AKAP13: variants seen among roughly 807,000 people sequenced by gnomAD.
AKAP13 encodes A-kinase anchor protein 13.
AKAP13 carries 80 observed loss-of-function variants against 264.5 expected under a neutral mutation model. The ratio of observed to expected loss-of-function variants is 0.30; its 90% CI spans 0.25 to 0.36. The LOEUF is 0.36. Among genes scored for constraint, AKAP13 ranks in the 10% least tolerant of loss-of-function variants. AKAP13 has a pLI of 1.00. For missense variants in AKAP13, 3,712 were observed against 3,435.2 expected (o/e 1.08, Z -2.01); for synonymous variants, 1,380 against 1,250.2 (o/e 1.10, Z -2.19).
At chr15:85,404,759 T>G (rs2071588668) in intron 1 of AKAP13, among the ~76,000 whole-genome samples, 1 of 152,246 alleles carries the variant, frequency 6.6e-6, no homozygotes, top group Admixed American at 6.5e-5. Flanking sequence ...AGCTCCCAGC[T>G]TATGGTAGGG....
intron 34 of AKAP13, among the ~76,000 whole-genome samples, chr15:85,740,749 CCACA>C (rs1201570758): frequency 1.0e-4 from 13 of 130,576 alleles, no homozygotes; most frequent in Non-Finnish European, 1.0e-4. Flanking sequence ...ACCCACCCAC[CCACA>C]CAGACACACA....
chr15:85,448,133 C>T (rs2073961866), intron 1 of AKAP13, among the ~76,000 whole-genome samples: 1 of 151,930 alleles, frequency 6.6e-6, no homozygotes, highest in African/African-American at 2.4e-5. Flanking sequence ...TGATATTGAG[C>T]TTTTTTTTCA....
intron 1 of AKAP13, among the ~76,000 whole-genome samples, chr15:85,423,743 T>G (rs1567049206): frequency 1.3e-5 from 2 of 152,272 alleles, no homozygotes; most frequent in African/African-American, 4.8e-5. Context: ...TTCAGTTGGC[T>G]TTGCCCAGAT....
intron 2 of AKAP13, among the ~76,000 whole-genome samples, chr15:85,504,847 C>T (rs138705184): frequency 0.014 from 2,133 of 152,070 alleles, 15 homozygotes; most frequent in Middle Eastern, 0.027. Context: ...GAGGTAGAGA[C>T]ACTCTCGCTT....
chr15:85,492,245 A>T (rs994698697), intron 2 of AKAP13, among the ~76,000 whole-genome samples: 18 of 152,240 alleles, frequency 1.2e-4, no homozygotes. Flanking sequence ...GGCCAAGCAC[A>T]GTGGCTCATG....
intron 5 of AKAP13, among the ~76,000 whole-genome samples, chr15:85,564,716 G>A (rs1288678329): frequency 6.6e-6 from 1 of 152,170 alleles, no homozygotes; most frequent in East Asian, 1.9e-4. Context: ...TCTTCAGAGA[G>A]TGATGATCTC....
At chr15:85,632,319 C>T (rs1476970848) in intron 8 of AKAP13, among the ~76,000 whole-genome samples, 2 of 152,204 alleles carry the variant, frequency 1.3e-5, no homozygotes, top group African/African-American at 4.8e-5. Context: ...GCTGAGAAAT[C>T]TAAACCTGAA....
rs1567038523 is a variant in AKAP13 at position 85,399,511 on chromosome 15, A to AT, written c.-12+18713_-12+18714insT. ...GAGCGAGACTCCGTCTCAAAAAAAA[A>AT]AAAAAAAAAAATAAAAAAATAAAAA... On this transcript the variant is annotated intron_variant, in intron 1 of 36. Coordinates refer to ENST00000394518, the MANE Select transcript of AKAP13 (RefSeq NM_007200.5). Among the ~76,000 whole-genome samples, 13 of 76,542 alleles carry AT rather than the reference A, an allele frequency of 1.7e-4. 1 individual carries two copies. The highest frequency in any genetic ancestry group is 3.2e-4 in the African/African-American group (8 of 25,210). 50.2% of individuals were successfully genotyped at this position (76,542 alleles called of 152,430 possible).
intron 1 of AKAP13, among the ~76,000 whole-genome samples, chr15:85,439,792 G>A (rs1464063680): frequency 7.4e-6 from 1 of 134,968 alleles, no homozygotes; most frequent in African/African-American, 2.8e-5. Context: ...GACCCAGGAA[G>A]GGGAATATCA....
intron 5 of AKAP13, among the ~76,000 whole-genome samples, chr15:85,559,634 G>C (rs1284664187): frequency 6.6e-6 from 1 of 152,046 alleles, no homozygotes; most frequent in Non-Finnish European, 1.5e-5. Context: ...TTCACATAAG[G>C]AGCCTAGATC....
chr15:85,628,671 GT>G (rs77257970), intron 8 of AKAP13, among the ~76,000 whole-genome samples: 39,006 of 150,814 alleles, frequency 0.26, 6,968 homozygotes, highest in East Asian at 0.58. Context: ...ACAAACAGCA[GT>G]TTTTTTTTCA....
At chr15:85,419,783 T>G (rs1460141167) in intron 1 of AKAP13, among the ~76,000 whole-genome samples, 2 of 152,154 alleles carry the variant, frequency 1.3e-5, no homozygotes, top group East Asian at 3.8e-4. Context: ...TAAATGTCAA[T>G]ATCTAAGGAT....
intron 3 of AKAP13, among the ~76,000 whole-genome samples, chr15:85,532,198 T>A (rs561125267): frequency 6.6e-6 from 1 of 152,316 alleles, no homozygotes; most frequent in Non-Finnish European, 1.5e-5. Context: ...TACACAGCAG[T>A]GAGAGATTTC....
intron 1 of AKAP13, among the ~76,000 whole-genome samples, chr15:85,429,036 G>A (rs116262791): frequency 0.015 from 2,228 of 152,256 alleles, 58 homozygotes; most frequent in African/African-American, 0.051. Context: ...ATAAAGTAAT[G>A]TTATATAGCT....
chr15:85,655,384 G>C, intron 10 of AKAP13, 33 bp from the exon 11 acceptor site: 1 of 1,593,936 alleles, frequency 6.3e-7, no homozygotes, highest in Non-Finnish European at 8.6e-7. Flanking sequence ...GGCCCTGCTG[G>C]CTTCAACCAT....
Position 85,485,710 on chromosome 15 carries a change from T to C in AKAP13, c.-11T>C. 2 of 1,612,764 alleles carry C rather than the reference T, an allele frequency of 1.2e-6. No homozygotes were observed. The highest frequency in any genetic ancestry group is 1.7e-6 in the Non-Finnish European group (2 of 1,178,948). Reference sequence around the variant, plus strand: ...CTCATTTATTCCATTTCTGTTTCAGTGTCCTGGGTCATGAAACTTAATCCA... The same window carrying C: ...CTCATTTATTCCATTTCTGTTTCAGCGTCCTGGGTCATGAAACTTAATCCA... On this transcript the variant is annotated splice_region_variant and 5_prime_UTR_variant, in exon 2 of 37. Transcript: ENST00000394518.
At chr15:85,615,311 CCTT>C (rs927817127) in intron 8 of AKAP13, among the ~76,000 whole-genome samples, 8 of 152,184 alleles carry the variant, frequency 5.3e-5, no homozygotes, top group Admixed American at 1.3e-4. Context: ...CTAGGTCTCT[CCTT>C]CTCCTTTACC....
chr15:85,686,056 T>C (rs1430392474), intron 16 of AKAP13, among the ~76,000 whole-genome samples: 1 of 152,156 alleles, frequency 6.6e-6, no homozygotes, highest in African/African-American at 2.4e-5. Flanking sequence ...TCTCACACCC[T>C]GTTCATCTAC....
In AKAP13 at chr15:85,724,352, G is replaced by C. The variant is rs773609217; in HGVS notation, c.6745+1032G>C. ...AGATACCTGCTCTACAGTGTGGTGA[G>C]TGCTGGAATGGAGGAGAAAGCAAGA... On this transcript the variant is annotated intron_variant, in intron 26 of 36. Coordinates refer to ENST00000394518, the MANE Select transcript of AKAP13 (RefSeq NM_007200.5). The surrounding 1 kb of genome is among the most constrained non-coding windows in gnomAD (Gnocchi z 4.2). 6.6e-5 allele frequency among the ~76,000 whole-genome samples: 10 copies of C among 152,174 alleles called. No homozygotes were observed. Among genetic ancestry groups the C allele is most frequent in the Non-Finnish European group, 1.5e-4 (10 of 68,036 alleles).
Sources: gnomAD v4.1 joint callset for allele counts (sites outside exome capture counted in the v4.1 genomes callset) on GRCh38, gnomAD v4.1.1 for gene constraint, Gnocchi (gnomAD v3.1) non-coding constraint, MANE v1.5 for transcripts, NCBI Gene and HGNC (gene_info 2026-07-23, HGNC 2026-07-21) for gene names.